Variants in NKAIN3 observed in about 807,000 individuals in gnomAD.
NKAIN3 encodes sodium/potassium transporting ATPase interacting 3.
In NKAIN3, 25 loss-of-function variants were observed where a neutral mutation model predicts 30.2. The observed-to-expected ratio is 0.83, with a 90% CI of 0.60 to 1.16. The LOEUF is 1.16. Ranked by LOEUF, NKAIN3 falls within the 50% of genes most tolerant of loss-of-function variation. The pLI, the probability that NKAIN3 is intolerant of heterozygous loss-of-function variation, is 0.00. For missense variants in NKAIN3, 225 were observed against 254.1 expected, an observed-to-expected ratio of 0.89 and a Z score of 0.78; for synonymous variants, 91 against 89.6, an observed-to-expected ratio of 1.02 and a Z score of -0.09.
chr8:62,414,399 G>C (rs1563388151), intron 1 of NKAIN3, among the ~76,000 whole-genome samples: 2 of 148,054 alleles, frequency 1.4e-5, no homozygotes, highest in African/African-American at 4.9e-5. Context: ...ATTGAGGAAT[G>C]GGAAGTGTGG....
chr8:62,902,086 C>A (rs1476498154), intron 4 of NKAIN3, among the ~76,000 whole-genome samples: 1 of 152,156 alleles, frequency 6.6e-6, no homozygotes, highest in Non-Finnish European at 1.5e-5. Context: ...CCATCCACTG[C>A]CTCCCAGTGG....
intron 3 of NKAIN3, among the ~76,000 whole-genome samples, chr8:62,611,642 T>TA (rs1811294283): frequency 6.6e-6 from 1 of 152,136 alleles, no homozygotes; most frequent in Non-Finnish European, 1.5e-5. Context: ...TATGGCTGAA[T>TA]AGTACTCCAT....
At chr8:62,944,987 C>T (rs1823080674) in intron 5 of NKAIN3, among the ~76,000 whole-genome samples, 1 of 152,142 alleles carries the variant, frequency 6.6e-6, no homozygotes, top group Non-Finnish European at 1.5e-5. Flanking sequence ...ATAACAATGT[C>T]ACTCAATTTT....
chr8:62,668,945 T>A (rs1431611120), intron 3 of NKAIN3, among the ~76,000 whole-genome samples: 1 of 152,180 alleles, frequency 6.6e-6, no homozygotes, highest in Non-Finnish European at 1.5e-5. Flanking sequence ...TTTTTGGATC[T>A]CAATAAATGC....
intron 4 of NKAIN3, among the ~76,000 whole-genome samples, chr8:62,818,947 G>C (rs1318975602): frequency 6.6e-6 from 1 of 151,528 alleles, no homozygotes; most frequent in African/African-American, 2.4e-5. Context: ...TACTTAAGAA[G>C]GAAATCAACC....
chr8:62,774,794 A>G (rs899959074), intron 4 of NKAIN3, among the ~76,000 whole-genome samples: 5 of 152,096 alleles, frequency 3.3e-5, no homozygotes, highest in Non-Finnish European at 1.5e-5. Context: ...TTATTGTTCA[A>G]TTCAGTTTGC....
intron 1 of NKAIN3, among the ~76,000 whole-genome samples, chr8:62,420,601 T>A (rs765919851): frequency 1.3e-5 from 2 of 152,108 alleles, no homozygotes; most frequent in Non-Finnish European, 2.9e-5. Flanking sequence ...AAAATAAGTG[T>A]GGCTAGTTTT....
At chr8:62,553,347 A>G (rs919979256) in intron 1 of NKAIN3, among the ~76,000 whole-genome samples, 1 of 152,176 alleles carries the variant, frequency 6.6e-6, no homozygotes, top group African/African-American at 2.4e-5. Flanking sequence ...AATGAATGTC[A>G]TTTAATACAG....
chr8:62,530,040 A>G (rs1585911660), intron 1 of NKAIN3, among the ~76,000 whole-genome samples: 1 of 152,264 alleles, frequency 6.6e-6, no homozygotes, highest in East Asian at 1.9e-4. Context: ...TACACACCCA[A>G]TTCAAAAAAG....
At chr8:62,694,786 T>C (rs570594270) in intron 3 of NKAIN3, among the ~76,000 whole-genome samples, 27 of 152,298 alleles carry the variant, frequency 1.8e-4, no homozygotes, top group African/African-American at 6.3e-4. Context: ...ATCTCATAGC[T>C]TTATTATCTG....
chr8:62,928,934 TCTC>T (rs1364448661), intron 5 of NKAIN3, among the ~76,000 whole-genome samples: 4 of 152,044 alleles, frequency 2.6e-5, no homozygotes, highest in Non-Finnish European at 4.4e-5. Context: ...AGGCAGGAGT[TCTC>T]CTGTCATTCA....
intron 1 of NKAIN3, among the ~76,000 whole-genome samples, chr8:62,309,433 C>T (rs1011976504): frequency 6.6e-6 from 1 of 150,604 alleles, no homozygotes; most frequent in Non-Finnish European, 1.5e-5. Context: ...AAGCAAGGAG[C>T]TACAGATCTA....
chr8:62,415,296 TTA>T (rs1376291897), intron 1 of NKAIN3, among the ~76,000 whole-genome samples: 2 of 145,062 alleles, frequency 1.4e-5, no homozygotes, highest in Non-Finnish European at 3.0e-5. Context: ...CTATATATAT[TTA>T]TATATATCTA....
chr8:62,804,847 G>C (rs1368272578), intron 4 of NKAIN3, among the ~76,000 whole-genome samples: 8 of 152,192 alleles, frequency 5.3e-5, no homozygotes, highest in Non-Finnish European at 1.5e-5. Context: ...ATTAGGAAAA[G>C]AGGAAGTCAA....
intron 3 of NKAIN3, among the ~76,000 whole-genome samples, chr8:62,655,100 TA>T (rs1284758553): frequency 6.6e-6 from 1 of 152,088 alleles, no homozygotes; most frequent in African/African-American, 2.4e-5. Context: ...GTATAAGGGG[TA>T]AACAGAGGAG....
intron 1 of NKAIN3, among the ~76,000 whole-genome samples, chr8:62,263,164 T>C (rs1456767890): frequency 6.6e-6 from 1 of 152,240 alleles, no homozygotes; most frequent in Non-Finnish European, 1.5e-5. Context: ...AAACATATTT[T>C]AAGATGTTTA....
chr8:62,758,593 A>G (rs529562931), intron 4 of NKAIN3, among the ~76,000 whole-genome samples: 1 of 152,308 alleles, frequency 6.6e-6, no homozygotes, highest in African/African-American at 2.4e-5. Context: ...AGACAGGGGA[A>G]TTTATATCCA....
intron 5 of NKAIN3, among the ~76,000 whole-genome samples, chr8:62,935,914 A>G (rs993331815): frequency 9.9e-5 from 15 of 152,270 alleles, no homozygotes; most frequent in Admixed American, 7.8e-4. Context: ...TACTGAAAAA[A>G]TCTAAAAACA....
chr8:62,803,370 C>A (rs1296652746), intron 4 of NKAIN3, among the ~76,000 whole-genome samples: 1 of 152,070 alleles, frequency 6.6e-6, no homozygotes, highest in Admixed American at 6.5e-5. Context: ...GGAAGTAAAG[C>A]TCTCCTCAGC....
Sources: gnomAD v4.1 joint callset for allele counts (sites outside exome capture counted in the v4.1 genomes callset) on GRCh38, gnomAD v4.1.1 for gene constraint, MANE v1.5 for transcripts, NCBI Gene and HGNC (gene_info 2026-07-23, HGNC 2026-07-21) for gene names.